The following BRINP3 variants were observed in gnomAD, a reference collection of about 807,000 sequenced individuals.
The protein encoded by BRINP3 is BMP/retinoic acid inducible neural specific 3.
In BRINP3, 19 loss-of-function variants were observed where a neutral mutation model predicts 71.0. The observed-to-expected ratio is 0.27, with a 90% CI of 0.19 to 0.39. The LOEUF (loss-of-function observed/expected upper bound fraction) is 0.39. Ranked by LOEUF, BRINP3 falls within the 10% of genes least tolerant of loss-of-function variation. The pLI is 1.00. For synonymous variants in BRINP3, 380 were observed against 337.7 expected (o/e 1.13, Z -1.37); for missense variants, 959 against 940.8 (o/e 1.02, Z -0.25).
Position 190,098,847 on chromosome 1 carries a change from T to C in BRINP3, c.1472A>G (p.Asp491Gly), listed in dbSNP as rs1651430830. The C allele has an allele frequency of 6.2e-7, 1 of 1,614,190 alleles. No homozygotes were observed. Among genetic ancestry groups the C allele is most frequent in the Middle Eastern group, 1.6e-4 (1 of 6,062 alleles). Residue 491 changes from aspartate (D) to glycine (G), a missense_variant, in exon 8 of 8, where the codon GAC becomes GGC. Transcript: ENST00000367462. Reference sequence around the variant, plus strand: ...ATATTTCATCTCGAGATCTTGCAGGTCAGTTTCAAAGCCAATATAGTGATC... The same window carrying C: ...ATATTTCATCTCGAGATCTTGCAGGCCAGTTTCAAAGCCAATATAGTGATC... ...STDHYIGFET[D>G]LQDLEMKYLL...
At chr1:190,442,715 T>C (rs1252643893) in intron 2 of BRINP3, among the ~76,000 whole-genome samples, 1 of 150,908 alleles carries the variant, frequency 6.6e-6, no homozygotes, top group African/African-American at 2.4e-5. Context: ...TTACTTTGTG[T>C]GTATTTTCTT....
intron 4 of BRINP3, among the ~76,000 whole-genome samples, chr1:190,244,366 T>C (rs1284227572): frequency 6.6e-6 from 1 of 152,118 alleles, no homozygotes; most frequent in East Asian, 1.9e-4. Context: ...TATCAAAACA[T>C]TTCTACATCT....
At position 190,454,839 on chromosome 1, in the gene BRINP3, A is replaced by G; in HGVS notation, c.52T>C (p.Trp18Arg). Residue 18 changes from tryptophan to arginine, a missense_variant, in exon 2 of 8, where the codon TGG becomes CGG. By Grantham distance (101) the Trp-to-Arg change is moderately radical. Coordinates refer to ENST00000367462, the MANE Select transcript of BRINP3 (RefSeq NM_199051.3). ...TGAAGACTCAGTGCTATCCACTCCC[A>G]TAGAGCCATCAGAGAGAACAATTCA... is the stretch of plus-strand genomic sequence containing the variant. ...GAELFSLMALWEWIALSLHCW... is the reference protein window; with the variant it reads ...GAELFSLMALREWIALSLHCW... 6.2e-7 allele frequency: 1 copy of G among 1,614,178 alleles called. No individual in the cohort carries two copies. The highest frequency in any genetic ancestry group is 8.5e-7 in the Non-Finnish European group (1 of 1,180,034).
rs1233955070 is a variant in BRINP3 at position 190,114,236 on chromosome 1, C to T, written c.1185-15102G>A. 3.9e-5 allele frequency among the ~76,000 whole-genome samples: 6 copies of T among 152,226 alleles called. No homozygotes were observed. In the East Asian group the frequency reaches 1.2e-3, roughly 29 times the overall value. The stretch of plus-strand genomic sequence containing the variant: ...CCTGCTTCTGTTCTGCCTTCTGCCA[C>T]GATTGTGAGCTTCCTGAGGCCTCCC... On this transcript the variant is annotated intron_variant, in intron 7 of 7. Transcript: ENST00000367462.
At chr1:190,302,546 C>A (rs977829351) in intron 2 of BRINP3, among the ~76,000 whole-genome samples, 3 of 151,718 alleles carry the variant, frequency 2.0e-5, no homozygotes, top group Admixed American at 2.0e-4. Flanking sequence ...TATTGGACAC[C>A]TCTCAGTTAC....
At chr1:190,241,121 T>C (rs1659050482) in intron 4 of BRINP3, among the ~76,000 whole-genome samples, 1 of 152,002 alleles carries the variant, frequency 6.6e-6, no homozygotes, top group Non-Finnish European at 1.5e-5. Flanking sequence ...GGTGGATAAA[T>C]ATTTTAATTT....
At chr1:190,141,491 C>T (rs1265292912) in intron 7 of BRINP3, among the ~76,000 whole-genome samples, 2 of 150,688 alleles carry the variant, frequency 1.3e-5, no homozygotes, top group Non-Finnish European at 3.0e-5. Flanking sequence ...TTTAGAATAT[C>T]ACTTAATATT....
At chr1:190,470,333 G>A (rs537636676) in intron 1 of BRINP3, among the ~76,000 whole-genome samples, 1 of 150,962 alleles carries the variant, frequency 6.6e-6, no homozygotes, top group African/African-American at 2.4e-5. Context: ...ATTCTTACAT[G>A]GCAGAGAACT....
chr1:190,399,976 A>C (rs1042458563), intron 2 of BRINP3, among the ~76,000 whole-genome samples: 3 of 151,748 alleles, frequency 2.0e-5, no homozygotes, highest in African/African-American at 7.3e-5. Flanking sequence ...AAACCATCAC[A>C]CTCTCTATTT....
At chr1:190,377,999 T>C (rs1487004600) in intron 2 of BRINP3, among the ~76,000 whole-genome samples, 1 of 152,070 alleles carries the variant, frequency 6.6e-6, no homozygotes, top group African/African-American at 2.4e-5. Context: ...ACCCACAGCA[T>C]TTTTGCAAAC....
intron 4 of BRINP3, among the ~76,000 whole-genome samples, chr1:190,258,989 G>C (rs1660926119): frequency 6.6e-6 from 1 of 152,088 alleles, no homozygotes; most frequent in African/African-American, 2.4e-5. Flanking sequence ...CTAGTGAAGA[G>C]ATTGAACTAA....
At chr1:190,469,386 A>G (rs2102700441) in intron 1 of BRINP3, among the ~76,000 whole-genome samples, 1 of 151,210 alleles carries the variant, frequency 6.6e-6, no homozygotes, top group South Asian at 2.1e-4. Flanking sequence ...TAATATTTTC[A>G]ATAAGCTAGA....
chr1:190,370,686 C>T (rs879565596), intron 2 of BRINP3, among the ~76,000 whole-genome samples: 4 of 152,154 alleles, frequency 2.6e-5, no homozygotes, highest in Non-Finnish European at 5.9e-5. Context: ...GCCTTCATGG[C>T]GAAGCCTGTG....
chr1:190,269,393 A>G (rs1661918739), intron 3 of BRINP3, among the ~76,000 whole-genome samples: 1 of 152,144 alleles, frequency 6.6e-6, no homozygotes, highest in Non-Finnish European at 1.5e-5. Flanking sequence ...AAAATCCAAC[A>G]GTAAGGACAT....
chr1:190,378,103 C>G (rs902070125), intron 2 of BRINP3, among the ~76,000 whole-genome samples: 27 of 152,076 alleles, frequency 1.8e-4, no homozygotes, highest in African/African-American at 6.3e-4. Context: ...TGGTCTCACA[C>G]TTCTTGACCT....
chr1:190,203,796 TATATATATATATATATATAA>T (rs1330969979), intron 6 of BRINP3, among the ~76,000 whole-genome samples: 13 of 66,048 alleles, frequency 2.0e-4, no homozygotes, highest in Admixed American at 1.1e-3. Context: ...TATATATATA[TATATATATATATATATATAA>T]ATGAAAACAA....
At chr1:190,474,213 C>T (rs892932340) in intron 1 of BRINP3, among the ~76,000 whole-genome samples, 23 of 152,158 alleles carry the variant, frequency 1.5e-4, no homozygotes, top group African/African-American at 5.1e-4. Flanking sequence ...TAAATGCACA[C>T]TAAGCAGTTA....
chr1:190,208,589 G>A (rs902756289), intron 6 of BRINP3, among the ~76,000 whole-genome samples: 1 of 151,904 alleles, frequency 6.6e-6, no homozygotes, highest in African/African-American at 2.4e-5. Context: ...TCTGTCTCCC[G>A]GTTCAAGCGT....
In BRINP3 at chr1:190,160,672, G is replaced by C. The variant is rs1482425775; in HGVS notation, c.1180C>G (p.Gln394Glu). The change falls in exon 7 of 8, where the codon CAA (glutamine) becomes GAA (glutamate). Residue 394 changes from glutamine to glutamate, a missense_variant. By Grantham distance (29) the Gln-to-Glu change is conservative. Transcript: ENST00000367462. ...ACATTACCACAAATGTCTTACCTTT[G>C]TCTTGGCAGGCTGATGAGGGGTTGT... ...HKQPLISLPR[Q>E]RTSTYWLTRI... The C allele has an allele frequency of 6.8e-6, 11 of 1,611,448 alleles. No homozygotes were observed. The highest frequency in any genetic ancestry group is 9.3e-6 in the Non-Finnish European group (11 of 1,178,852).
Sources: gnomAD v4.1 joint callset for allele counts (sites outside exome capture counted in the v4.1 genomes callset) on GRCh38, gnomAD v4.1.1 for gene constraint, MANE v1.5 for transcripts, NCBI Gene and HGNC (gene_info 2026-07-23, HGNC 2026-07-21) for gene names.